Variants in LEPR observed in about 807,000 individuals in gnomAD.
The protein encoded by LEPR is OB receptor.
Under a neutral mutation model 114.7 loss-of-function variants are expected in LEPR, and 56 were observed. The observed-to-expected ratio is 0.49, with a 90% CI of 0.39 to 0.61. The LOEUF is 0.61. LEPR is among the 20% of genes least tolerant of loss of function. The pLI, the probability that LEPR is intolerant of heterozygous loss-of-function variation, is 0.00. For synonymous variants in LEPR, 443 were observed against 461.4 expected (o/e 0.96, Z 0.51); for missense variants, 1,202 against 1,352.9 (o/e 0.89, Z 1.75).
chr1:65,429,731 A>G (rs1646449793), intron 2 of LEPR: 1 of 740,168 alleles, frequency 1.4e-6, no homozygotes, highest in African/African-American at 1.8e-5. Context: ...CTTATGTTCT[A>G]ATATTCACAA....
At chr1:65,627,534 G>A (rs1463061377) in intron 19 of LEPR, among the ~76,000 whole-genome samples, 2 of 151,978 alleles carry the variant, frequency 1.3e-5, no homozygotes, top group Non-Finnish European at 2.9e-5. Context: ...CAACTCTTTC[G>A]GTAAATAGTC....
chr1:65,514,563 T>C (rs1649191757), intron 2 of LEPR, among the ~76,000 whole-genome samples: 1 of 152,252 alleles, frequency 6.6e-6, no homozygotes, highest in South Asian at 2.1e-4. Context: ...ATGCCTTTGA[T>C]AACATTTTGG....
intron 2 of LEPR, among the ~76,000 whole-genome samples, chr1:65,481,232 C>A (rs1244523643): frequency 6.6e-6 from 1 of 152,132 alleles, no homozygotes; most frequent in Non-Finnish European, 1.5e-5. Context: ...AACATAATCA[C>A]CTCTCTGAAG....
At chr1:65,618,796 CTGTT>C (rs1657697300) in intron 16 of LEPR, among the ~76,000 whole-genome samples, 1 of 152,118 alleles carries the variant, frequency 6.6e-6, no homozygotes, top group Admixed American at 6.5e-5. Context: ...TCCACTTAAA[CTGTT>C]TGAGATTCTT....
intron 2 of LEPR, among the ~76,000 whole-genome samples, chr1:65,549,129 T>C (rs1337004215): frequency 6.6e-6 from 1 of 151,628 alleles, no homozygotes; most frequent in African/African-American, 2.4e-5. Flanking sequence ...GAATGTTGAA[T>C]ATTGGTCCCC....
At chr1:65,604,717 G>A (rs1298671606) in intron 10 of LEPR, among the ~76,000 whole-genome samples, 1 of 152,224 alleles carries the variant, frequency 6.6e-6, no homozygotes, top group Non-Finnish European at 1.5e-5. Flanking sequence ...GGAGGTGAGA[G>A]AGCAGCATTA....
chr1:65,427,782 A>G, intron 2 of LEPR: 1 of 411,626 alleles, frequency 2.4e-6, no homozygotes. Flanking sequence ...TGTTTTTTAG[A>G]GATGCCACAA....
chr1:65,487,855 A>T lies in LEPR; in HGVS notation c.-21+62477A>T, dbSNP rs9786952. Reference sequence around the variant, plus strand: ...CATGTATTATTTCTTTGTGTTAGGAACATTCCAATTCCACTCTTTTTCTTT... The same window carrying T: ...CATGTATTATTTCTTTGTGTTAGGATCATTCCAATTCCACTCTTTTTCTTT... On this transcript the variant is annotated intron_variant, in intron 2 of 19. Coordinates refer to ENST00000349533, the MANE Select transcript of LEPR (RefSeq NM_002303.6). Among the ~76,000 whole-genome samples, 3 of 151,980 alleles carry T rather than the reference A, an allele frequency of 2.0e-5. No individual in the cohort carries two copies. The East Asian group carries it at 5.8e-4, about 29-fold the overall frequency.
intron 2 of LEPR, chr1:65,525,712 G>A: frequency 2.0e-6 from 2 of 985,680 alleles, no homozygotes; most frequent in Non-Finnish European, 2.4e-6. Flanking sequence ...AGTTCGGAGC[G>A]GCCCCATCGC....
intron 5 of LEPR, among the ~76,000 whole-genome samples, chr1:65,587,398 G>A (rs12028951): frequency 0.3 from 45,705 of 151,924 alleles, 7,782 homozygotes; most frequent in East Asian, 0.83. Context: ...AGATAAAATC[G>A]AAAGTGCTAA....
chr1:65,526,985 A>T (rs1292826332), intron 2 of LEPR, among the ~76,000 whole-genome samples: 1 of 152,224 alleles, frequency 6.6e-6, no homozygotes, highest in Non-Finnish European at 1.5e-5. Context: ...GAGCTCAGAA[A>T]CATATAGATT....
intron 2 of LEPR, among the ~76,000 whole-genome samples, chr1:65,557,893 A>C (rs912774221): frequency 2.0e-5 from 3 of 152,190 alleles, no homozygotes; most frequent in Admixed American, 6.5e-5. Context: ...TTTAAGAATG[A>C]AACCTGATTC....
At chr1:65,451,441 A>G (rs1646783711) in intron 2 of LEPR, among the ~76,000 whole-genome samples, 1 of 151,748 alleles carries the variant, frequency 6.6e-6, no homozygotes, top group Non-Finnish European at 1.5e-5. Flanking sequence ...ATCCATCTTG[A>G]ATTGATTTTT....
chr1:65,425,436 A>G (rs1646341885), intron 2 of LEPR, 58 bp downstream of exon 2: 2 of 1,475,674 alleles, frequency 1.4e-6, no homozygotes, highest in Non-Finnish European at 1.9e-6. Context: ...CACTATTAGT[A>G]TGGGTGTTAG....
chr1:65,588,020 G>T lies in LEPR; in HGVS notation c.495-4637G>T, dbSNP rs150658184. Among the ~76,000 whole-genome samples, 773 of 152,030 alleles carry T rather than the reference G, an allele frequency of 5.1e-3. 6 individuals are homozygous for T. The highest frequency in any genetic ancestry group is 0.018 in the African/African-American group (741 of 41,484). ...TCATGCACTATCTCCCTATCCCCAG[G>T]TTCTTTGAAAAACAGTGTGGTTTCG... On this transcript the variant is annotated intron_variant, in intron 5 of 19. Transcript: ENST00000349533.
intron 2 of LEPR, among the ~76,000 whole-genome samples, chr1:65,486,153 A>C (rs982049147): frequency 6.6e-6 from 1 of 152,154 alleles, no homozygotes; most frequent in Non-Finnish European, 1.5e-5. Flanking sequence ...TTCTTTATGC[A>C]ACTTTCATTC....
chr1:65,541,725 G>C (rs1407121908), intron 2 of LEPR, among the ~76,000 whole-genome samples: 1 of 152,148 alleles, frequency 6.6e-6, no homozygotes, highest in African/African-American at 2.4e-5. Flanking sequence ...ATGTTTAAAT[G>C]CTTATTTAAG....
At chr1:65,451,246 T>C (rs1253436034) in intron 2 of LEPR, among the ~76,000 whole-genome samples, 2 of 151,836 alleles carry the variant, frequency 1.3e-5, no homozygotes, top group Non-Finnish European at 3.0e-5. Context: ...ACTCTGATGG[T>C]GGTTTCTTTT....
chr1:65,426,060 A>G (rs538049693), intron 2 of LEPR, among the ~76,000 whole-genome samples: 2 of 142,378 alleles, frequency 1.4e-5, no homozygotes, highest in South Asian at 4.2e-4. Flanking sequence ...TGTCAGAGGT[A>G]GAAATGGTAC....
Sources: gnomAD v4.1 joint callset for allele counts (sites outside exome capture counted in the v4.1 genomes callset) on GRCh38, gnomAD v4.1.1 for gene constraint, MANE v1.5 for transcripts, NCBI Gene and HGNC (gene_info 2026-07-23, HGNC 2026-07-21) for gene names.